Variants in EVC2 observed in about 807,000 individuals in gnomAD.
The protein encoded by EVC2 is EvC ciliary complex subunit 2, also known as limbin.
In EVC2, 148 loss-of-function variants were observed where a neutral mutation model predicts 149.3. That is an observed-to-expected ratio of 0.99 (90% CI 0.87 to 1.14). The LOEUF is 1.14. Ranked by LOEUF, EVC2 falls within the 50% of genes most tolerant of loss-of-function variation. The probability of loss-of-function intolerance (pLI) is 0.00; values close to 1 mark genes in which losing one functional copy is unlikely to be tolerated. For synonymous variants in EVC2, 776 were observed against 649.9 expected (o/e 1.19, Z -2.95); for missense variants, 1,854 against 1,627.3 (o/e 1.14, Z -2.40).
Position 5,625,623 on chromosome 4 carries a change from A to G in EVC2, c.2046+126T>C. On this transcript the variant is annotated intron_variant, in intron 13 of 21. Transcript: ENST00000344408. The surrounding 1 kb of genome is among the most constrained non-coding windows in gnomAD (Gnocchi z 4.0). The stretch of plus-strand genomic sequence containing the variant: ...ACCAATCAACAGTAGATGGCACATC[A>G]TGGTGCCTGCCCAGCTGCCCTTCTG... 7.9e-7 allele frequency: 1 copy of G among 1,263,266 alleles called. No homozygotes were observed. The highest frequency in any genetic ancestry group is 1.1e-6 in the Non-Finnish European group (1 of 892,304). The allele number at this position is 1,263,266 out of a possible 1,614,324, so 78.3% of individuals were successfully genotyped here.
intron 5 of EVC2, among the ~76,000 whole-genome samples, chr4:5,687,571 G>A (rs951322055): frequency 5.3e-5 from 8 of 152,174 alleles, no homozygotes; most frequent in Non-Finnish European, 1.2e-4. Flanking sequence ...TGGAGGCAGA[G>A]GGGTGACTTT....
intron 11 of EVC2, among the ~76,000 whole-genome samples, chr4:5,630,224 G>A (rs1028368479): frequency 3.3e-5 from 5 of 152,140 alleles, no homozygotes; most frequent in Non-Finnish European, 7.4e-5. Flanking sequence ...ACGATTACTC[G>A]GTCTCCTCCT....
chr4:5,681,619 G>C (rs1291768930), intron 6 of EVC2, among the ~76,000 whole-genome samples: 1 of 152,198 alleles, frequency 6.6e-6, no homozygotes, highest in Non-Finnish European at 1.5e-5. Flanking sequence ...CTGTGACCAA[G>C]GCAGGTCACC....
chr4:5,596,301 T>C lies in EVC2; in HGVS notation c.2830-11451A>G, dbSNP rs572593402. On this transcript the variant is annotated intron_variant, in intron 16 of 21. Coordinates refer to ENST00000344408, the MANE Select transcript of EVC2 (RefSeq NM_147127.5). ...GCACCACACCACACCTGTTCCAAAA[T>C]TGACCACATAGTTGGAAGTAAAGCT... Among the ~76,000 whole-genome samples the C allele has an allele frequency of 2.2e-3, 338 of 152,290 alleles. 2 individuals carry two copies. Among genetic ancestry groups the C allele is most frequent in the African/African-American group, 7.6e-3 (315 of 41,558 alleles).
At chr4:5,548,954 CTTCCTTCCTTCCTTCCTTCT>C (rs74271694) in intron 21 of EVC2, among the ~76,000 whole-genome samples, 44,135 of 82,548 alleles carry the variant, frequency 0.53, 7,843 homozygotes, top group East Asian at 0.88. Flanking sequence ...TCCTTCCTTC[CTTCCTTCCTTCCTTCCTTCT>C]TTCTTTCTTT....
At position 5,640,128 on chromosome 4, in the gene EVC2, T is replaced by G. The variant is rs565927813; in HGVS notation, c.1470+386A>C. Among the ~76,000 whole-genome samples the G allele has an allele frequency of 2.0e-5, 3 of 151,666 alleles. No individual in the cohort carries two copies. Among genetic ancestry groups the G allele is most frequent in the Non-Finnish European group, 2.9e-5 (2 of 67,926 alleles). ...GAAGGCTAGATGGGGAATAAGTGGA[T>G]GGGTAAATTGTTGGATGGGTGATGG... On this transcript the variant is annotated intron_variant, in intron 10 of 21. Transcript: ENST00000344408. This position sits in a 1 kb window ranked among gnomAD's most constrained non-coding sequence, Gnocchi z 4.6.
rs112853465 is a variant in EVC2, at chr4:5,682,219, G to A, written c.817-906C>T. ...GTAGTAGCAATAGCAGGCCGGGGGC[G>A]GTGGCTCACACCTGTAATCCCAGCA... is the stretch of plus-strand genomic sequence containing the variant. On this transcript the variant is annotated intron_variant, in intron 6 of 21. Coordinates refer to ENST00000344408, the MANE Select transcript of EVC2 (RefSeq NM_147127.5). 8.0e-3 allele frequency among the ~76,000 whole-genome samples: 1,214 copies of A among 152,214 alleles called. 19 individuals carry two copies. Among genetic ancestry groups the A allele is most frequent in the African/African-American group, 0.027 (1,101 of 41,520 alleles).
At chr4:5,619,178 C>A (rs190159318) in intron 14 of EVC2, among the ~76,000 whole-genome samples, 127 of 152,266 alleles carry the variant, frequency 8.3e-4, no homozygotes, top group African/African-American at 3.1e-3. Flanking sequence ...ATGCTGGGAA[C>A]CATGCTGAGT....
chr4:5,563,443 TTCAAGTGATTC>T (rs1397659539), intron 21 of EVC2, among the ~76,000 whole-genome samples: 1 of 152,114 alleles, frequency 6.6e-6, no homozygotes. Flanking sequence ...ACCTCCCAGG[TTCAAGTGATTC>T]TCCTGCCTTA....
chr4:5,651,703 A>G (rs79354015), intron 9 of EVC2, among the ~76,000 whole-genome samples: 4,465 of 152,266 alleles, frequency 0.029, 222 homozygotes, highest in African/African-American at 0.1. Context: ...CACCTTTCCA[A>G]CCAACACCTG....
In EVC2 at chr4:5,614,912, G is replaced by A. The variant is rs528999071; in HGVS notation, c.2829+510C>T. On this transcript the variant is annotated intron_variant, in intron 16 of 21. Coordinates refer to ENST00000344408, the MANE Select transcript of EVC2 (RefSeq NM_147127.5). This position sits in a 1 kb window ranked among gnomAD's most constrained non-coding sequence, Gnocchi z 4.7. Reference sequence around the variant, plus strand: ...GAATCACTTGAACCCAGGAGGCGGAGGTTGCAGTGAGCCGAGATCACACCA... The same window carrying A: ...GAATCACTTGAACCCAGGAGGCGGAAGTTGCAGTGAGCCGAGATCACACCA... Among the ~76,000 whole-genome samples the A allele has an allele frequency of 1.4e-4, 21 of 151,526 alleles. No homozygotes were observed. Among genetic ancestry groups the A allele is most frequent in the Admixed American group, 1.1e-3 (16 of 15,238 alleles).
chr4:5,540,573 T>C (rs1050623558), downstream of EVC2, among the ~76,000 whole-genome samples: 10 of 152,206 alleles, frequency 6.6e-5, no homozygotes, highest in African/African-American at 1.4e-4. Flanking sequence ...TATATGCTGT[T>C]TGGTTCCATT....
At chr4:5,592,292 G>T (rs1327846331) in intron 16 of EVC2, among the ~76,000 whole-genome samples, 1 of 152,232 alleles carries the variant, frequency 6.6e-6, no homozygotes, top group Non-Finnish European at 1.5e-5. Flanking sequence ...AGGGGGCTGA[G>T]CTGAACCTGT....
intron 15 of EVC2, among the ~76,000 whole-genome samples, chr4:5,617,485 C>T (rs1276816208): frequency 6.6e-6 from 1 of 152,176 alleles, no homozygotes; most frequent in African/African-American, 2.4e-5. Flanking sequence ...ATTTACTGTG[C>T]ACCTACTACG....
At chr4:5,574,857 A>G (rs1267626379) in intron 18 of EVC2, 85 bp from the exon 19 acceptor site, 6 of 1,323,080 alleles carry the variant, frequency 4.5e-6, no homozygotes, top group Admixed American at 1.7e-5. Context: ...ATAACAAAGA[A>G]GCACACATCT....
chr4:5,665,670 C>T (rs544016148), intron 7 of EVC2, 21 bp from the exon 8 acceptor site: 2 of 1,613,428 alleles, frequency 1.2e-6, no homozygotes, highest in South Asian at 2.2e-5. Context: ...AAGAGGAGAG[C>T]AGGATTCATG....
chr4:5,640,847 C>G lies in EVC2; in HGVS notation c.1146-9G>C, dbSNP rs774847750. 3.1e-6 allele frequency: 5 copies of G among 1,614,106 alleles called. No homozygotes were observed. Among genetic ancestry groups the G allele is most frequent in the Non-Finnish European group, 4.2e-6 (5 of 1,180,002 alleles). On this transcript the variant is annotated splice_polypyrimidine_tract_variant and intron_variant, in intron 9 of 21. Transcript: ENST00000344408. The surrounding 1 kb of genome is among the most constrained non-coding windows in gnomAD (Gnocchi z 4.6). ...GGGTTGCAATCTCCAACCTAGGAAA[C>G]ACAAAAATCAAAAGAATTCCATTAC...
chr4:5,594,827 A>C (rs903693739), intron 16 of EVC2, among the ~76,000 whole-genome samples: 1 of 152,186 alleles, frequency 6.6e-6, no homozygotes, highest in South Asian at 2.1e-4. Context: ...TTTGAAAAAA[A>C]TTTAGGCGAA....
chr4:5,646,403 T>C (rs1018951766), intron 9 of EVC2, among the ~76,000 whole-genome samples: 10 of 152,288 alleles, frequency 6.6e-5, no homozygotes, highest in Admixed American at 1.3e-4. Context: ...AATGGCTTTT[T>C]TTTCCTTGGG....
Sources: gnomAD v4.1 joint callset for allele counts (sites outside exome capture counted in the v4.1 genomes callset) on GRCh38, gnomAD v4.1.1 for gene constraint, Gnocchi (gnomAD v3.1) non-coding constraint, MANE v1.5 for transcripts, NCBI Gene and HGNC (gene_info 2026-07-23, HGNC 2026-07-21) for gene names.